The following HOMER1 variants were observed in gnomAD, a reference collection of about 807,000 sequenced individuals.
HOMER1 encodes homer protein homolog 1.
Under a neutral mutation model 48.9 loss-of-function variants are expected in HOMER1, and 3 were observed. That is an observed-to-expected ratio of 0.06 (90% CI 0.03 to 0.16). HOMER1 has a LOEUF of 0.16. Ranked by LOEUF, HOMER1 falls within the 10% of genes least tolerant of loss-of-function variation. The probability of loss-of-function intolerance (pLI) is 1.00; values close to 1 mark genes in which losing one functional copy is unlikely to be tolerated. For missense variants in HOMER1, 247 were observed against 411.4 expected, an observed-to-expected ratio of 0.60 and a Z score of 3.46; for synonymous variants, 134 against 146.4, an observed-to-expected ratio of 0.92 and a Z score of 0.61.
rs767568059 is a variant in HOMER1 at position 79,439,124 on chromosome 5, G to A, written c.413C>T (p.Ser138Phe). The A allele has an allele frequency of 1.9e-6, 3 of 1,613,936 alleles. No homozygotes were observed. In the South Asian group the frequency reaches 3.3e-5, roughly 18 times the overall value. ...SQESAGGDLQ[S>F]PLTPESINGT... Reference sequence around the variant, plus strand: ...GTTGATACTTTCCGGTGTTAAAGGAGACTGAAGATCCCCGCCTGCGGATTC... The same window carrying A: ...GTTGATACTTTCCGGTGTTAAAGGAAACTGAAGATCCCCGCCTGCGGATTC... The change falls in exon 5 of 9, where the codon TCT becomes TTT. Residue 138 changes from serine (S) to phenylalanine (F), a missense_variant. Physicochemically the swap from Ser to Phe is radical, Grantham distance 155. Transcript: ENST00000334082.
Position 79,467,233 on chromosome 5 carries a change from AT to A in HOMER1, c.6-10216del, listed in dbSNP as rs1437475891. ...TGGTGAAACCATGTCTCTACTAAAA[AT>A]AAAAAAATTAGCTGGGCGTGCTGGC... is the stretch of plus-strand genomic sequence containing the variant. On this transcript the variant is annotated intron_variant, in intron 1 of 8. Transcript: ENST00000334082. 3.3e-5 allele frequency among the ~76,000 whole-genome samples: 5 copies of A among 152,148 alleles called. No individual in the cohort carries two copies. The South Asian group carries it at 8.3e-4, about 25-fold the overall frequency.
intron 8 of HOMER1, among the ~76,000 whole-genome samples, chr5:79,392,590 G>A (rs1749278745): frequency 6.6e-6 from 1 of 152,118 alleles, no homozygotes; most frequent in Admixed American, 6.5e-5. Context: ...AAGTTAAAAT[G>A]TTACAGTAAG....
intron 8 of HOMER1, among the ~76,000 whole-genome samples, chr5:79,377,076 C>T (rs1020546361): frequency 2.0e-5 from 3 of 152,162 alleles, no homozygotes; most frequent in African/African-American, 4.8e-5. Context: ...AGCCATTCTC[C>T]TGCCTCAGCC....
At chr5:79,444,131 T>G (rs1270848955) in intron 4 of HOMER1, among the ~76,000 whole-genome samples, 1 of 152,168 alleles carries the variant, frequency 6.6e-6, no homozygotes, top group East Asian at 1.9e-4. Flanking sequence ...TACGTTACAT[T>G]CTTCAGGCAG....
At position 79,456,991 on chromosome 5, in the gene HOMER1, A is replaced by G. The variant is rs1262984602; in HGVS notation, c.33T>C (p.Ala11=). MGEQPIFSTR[A]HVFQIDPNTK... is the part of the protein sequence containing the mutation. ...TGTTTGGGTCAATTTGGAAGACATG[A>G]GCTCGAGTGCTGAAGATAGGTTGTT... is the stretch of plus-strand genomic sequence containing the variant. Residue 11 remains alanine (A), a synonymous_variant, in exon 2 of 9, where the codon GCT becomes GCC. Coordinates refer to ENST00000334082, the MANE Select transcript of HOMER1 (RefSeq NM_004272.5). The G allele has an allele frequency of 1.3e-5, 21 of 1,613,976 alleles. No homozygotes were observed. In the East Asian group the frequency reaches 4.7e-4, roughly 36 times the overall value.
chr5:79,387,361 T>A (rs1014990133), intron 8 of HOMER1, among the ~76,000 whole-genome samples: 3 of 152,098 alleles, frequency 2.0e-5, no homozygotes, highest in African/African-American at 7.2e-5. Context: ...ACTCCTAGTC[T>A]CAAGCAATCC....
chr5:79,503,535 A>G (rs1204151676), intron 1 of HOMER1, among the ~76,000 whole-genome samples: 12 of 50,004 alleles, frequency 2.4e-4, no homozygotes, highest in Non-Finnish European at 3.4e-4. Flanking sequence ...TCACAAAGAG[A>G]AAAAAAAAAA....
intron 8 of HOMER1, among the ~76,000 whole-genome samples, chr5:79,379,720 C>T (rs1270030525): frequency 2.0e-5 from 3 of 151,600 alleles, no homozygotes; most frequent in African/African-American, 4.9e-5. Flanking sequence ...GCTGGGACTA[C>T]AGACGTGAGC....
In HOMER1 at chr5:79,382,164, C is replaced by A. The variant is rs140671828; in HGVS notation, c.877-5967G>T. Among the ~76,000 whole-genome samples the A allele has an allele frequency of 7.9e-5, 12 of 152,138 alleles. No homozygotes were observed. In the East Asian group the frequency reaches 2.3e-3, roughly 29 times the overall value. ...AGCAAAGCCTCTGTGACATACGGGA[C>A]ACCATAAAGTGGCCATAAAATATGC... On this transcript the variant is annotated intron_variant, in intron 8 of 8. Coordinates refer to ENST00000334082, the MANE Select transcript of HOMER1 (RefSeq NM_004272.5).
chr5:79,452,349 A>C (rs1751051899), intron 2 of HOMER1, among the ~76,000 whole-genome samples: 1 of 152,200 alleles, frequency 6.6e-6, no homozygotes, highest in Non-Finnish European at 1.5e-5. Flanking sequence ...CACCATAATA[A>C]ATTTCAATTA....
intron 5 of HOMER1, among the ~76,000 whole-genome samples, chr5:79,417,574 T>C (rs1052482816): frequency 6.6e-6 from 1 of 152,238 alleles, no homozygotes; most frequent in Non-Finnish European, 1.5e-5. Flanking sequence ...AAAAATTATG[T>C]TTCTTTCAAC....
At chr5:79,503,676 A>G (rs1014638913) in intron 1 of HOMER1, among the ~76,000 whole-genome samples, 1 of 151,752 alleles carries the variant, frequency 6.6e-6, no homozygotes, top group African/African-American at 2.4e-5. Flanking sequence ...CCCCGTCTCT[A>G]TTAAAAATAC....
At chr5:79,418,001 A>G (rs772916710) in intron 5 of HOMER1, among the ~76,000 whole-genome samples, 2 of 152,240 alleles carry the variant, frequency 1.3e-5, no homozygotes, top group African/African-American at 2.4e-5. Flanking sequence ...TAATTTCATT[A>G]GCCATGATTT....
chr5:79,450,857 G>T lies in HOMER1; in HGVS notation c.294+133C>A, dbSNP rs1184687908. On this transcript the variant is annotated intron_variant, in intron 3 of 8. Transcript: ENST00000334082. The stretch of plus-strand genomic sequence containing the variant: ...CTAATGATCTCTTACTTCTTGCTCT[G>T]AAGTCACTACTGCTGTTTCGAGAAT... 4 of 796,716 alleles carry T rather than the reference G, an allele frequency of 5.0e-6. No individual in the cohort carries two copies. The East Asian group carries it at 8.2e-5, about 16-fold the overall frequency. 49.4% of individuals were successfully genotyped at this position (796,716 alleles called of 1,614,324 possible). A position where few individuals can be genotyped will look rare whatever the true frequency, so the allele number is the denominator to read the frequency against.
At chr5:79,428,037 C>A (rs1240600380) in intron 5 of HOMER1, among the ~76,000 whole-genome samples, 1 of 152,158 alleles carries the variant, frequency 6.6e-6, no homozygotes, top group Non-Finnish European at 1.5e-5. Flanking sequence ...AACTGATACT[C>A]AGTGAAGAGC....
intron 5 of HOMER1, 112 bp from the exon 6 acceptor site, chr5:79,402,167 T>TC (rs962410404): frequency 2.2e-6 from 2 of 907,822 alleles, no homozygotes; most frequent in Non-Finnish European, 1.6e-6. Context: ...TGTTTTCTTT[T>TC]CTTTTTTTTT....
chr5:79,413,048 G>T (rs1343991676), intron 5 of HOMER1, among the ~76,000 whole-genome samples: 1 of 152,182 alleles, frequency 6.6e-6, no homozygotes, highest in Non-Finnish European at 1.5e-5. Flanking sequence ...AGTGAGAAAG[G>T]AAAGGGTCAG....
chr5:79,487,313 A>C (rs888866530), intron 1 of HOMER1, among the ~76,000 whole-genome samples: 7 of 152,134 alleles, frequency 4.6e-5, no homozygotes, highest in Non-Finnish European at 1.0e-4. Context: ...TACGTTTCAT[A>C]ATGGCTGGAT....
rs10527802 is a variant in HOMER1, at chr5:79,491,075, C to CAAAAAAAAAAAAAAAAAAAA, written c.5+21675_5+21694dup. 1.9e-4 allele frequency among the ~76,000 whole-genome samples: 7 copies of CAAAAAAAAAAAAAAAAAAAA among 37,254 alleles called. 2 individuals are homozygous for CAAAAAAAAAAAAAAAAAAAA. The highest frequency in any genetic ancestry group is 3.0e-3 in the South Asian group (2 of 672). 24.4% of individuals were successfully genotyped at this position (37,254 alleles called of 152,430 possible). A position where few individuals can be genotyped will look rare whatever the true frequency, so the allele number is the denominator to read the frequency against. Reference sequence around the variant, plus strand: ...TTTTTGGCCTTCAGTAGTACCAAAGCAAAAAAAAAAAAAAAAAAAAAAAAA... The same window carrying CAAAAAAAAAAAAAAAAAAAA: ...TTTTTGGCCTTCAGTAGTACCAAAGCAAAAAAAAAAAAAAAAAAAAAAAAAAAAAAAAAAAAAAAAAAAAA... On this transcript the variant is annotated intron_variant, in intron 1 of 8. Coordinates refer to ENST00000334082, the MANE Select transcript of HOMER1 (RefSeq NM_004272.5).
Sources: allele counts gnomAD v4.1 joint callset (sites outside exome capture counted in the v4.1 genomes callset), GRCh38; gene constraint gnomAD v4.1.1; transcripts MANE v1.5; gene names NCBI Gene and HGNC (gene_info 2026-07-23, HGNC 2026-07-21).